Variants in SMG1 observed in about 807,000 individuals in gnomAD.
The protein encoded by SMG1 is SMG1 nonsense mediated mRNA decay associated PI3K related kinase.
A neutral mutation model predicts 419.9 loss-of-function variants in SMG1; 22 were observed. The observed-to-expected ratio is 0.05, with a 90% CI of 0.04 to 0.07. The LOEUF (loss-of-function observed/expected upper bound fraction) is 0.07. Among genes scored for constraint, SMG1 ranks in the 10% least tolerant of loss-of-function variants. The pLI, the probability that SMG1 is intolerant of heterozygous loss-of-function variation, is 1.00. For missense variants in SMG1, 3,185 were observed against 4,342.0 expected (o/e 0.73, Z 7.49); for synonymous variants, 1,538 against 1,553.5 (o/e 0.99, Z 0.23).
chr16:18,892,918 C>T (rs2141824749), intron 3 of SMG1, among the ~76,000 whole-genome samples: 1 of 152,330 alleles, frequency 6.6e-6, no homozygotes, highest in South Asian at 2.1e-4. Flanking sequence ...CAACCGAACA[C>T]CTCAATCCAG....
chr16:18,895,155 G>A (rs1168236006), intron 3 of SMG1, among the ~76,000 whole-genome samples: 2 of 152,166 alleles, frequency 1.3e-5, no homozygotes, highest in African/African-American at 2.4e-5. Flanking sequence ...TATACAGTGA[G>A]GCTACATCAT....
intron 9 of SMG1, among the ~76,000 whole-genome samples, chr16:18,883,167 G>T (rs186140231): frequency 6.6e-6 from 1 of 152,212 alleles, no homozygotes; most frequent in African/African-American, 2.4e-5. Context: ...ATCTTTATGG[G>T]AGCCTTGATT....
intron 30 of SMG1, among the ~76,000 whole-genome samples, chr16:18,854,082 C>CGTT (rs2034761432): frequency 1.2e-5 from 1 of 84,012 alleles, no homozygotes; most frequent in African/African-American, 5.1e-5. Flanking sequence ...AAATACTAAA[C>CGTT]TTTTTTTTTT....
At chr16:18,853,185 G>T (rs1314225196) in intron 31 of SMG1, among the ~76,000 whole-genome samples, 3 of 152,136 alleles carry the variant, frequency 2.0e-5, no homozygotes, top group Admixed American at 6.5e-5. Context: ...TATTTGTAAG[G>T]TATCTTTGTG....
At chr16:18,839,114 G>A (rs575541187) in intron 42 of SMG1, among the ~76,000 whole-genome samples, 56 of 152,106 alleles carry the variant, frequency 3.7e-4, no homozygotes, top group Non-Finnish European at 7.4e-4. Flanking sequence ...CAAAAGTGCT[G>A]GGATTACAGA....
intron 58 of SMG1, 93 bp from the exon 59 acceptor site, chr16:18,815,744 C>A: frequency 9.5e-7 from 1 of 1,057,066 alleles, no homozygotes; most frequent in Non-Finnish European, 1.4e-6. Flanking sequence ...ACAAATGTTT[C>A]AAATATGAGT....
At chr16:18,873,475 G>C (rs2035937047) in intron 13 of SMG1, among the ~76,000 whole-genome samples, 1 of 152,148 alleles carries the variant, frequency 6.6e-6, no homozygotes, top group East Asian at 1.9e-4. Flanking sequence ...GCCCCCCTCG[G>C]TCTCCCGAGG....
At chr16:18,896,636 T>C (rs571780033) in intron 2 of SMG1, among the ~76,000 whole-genome samples, 157 bp downstream of exon 2, 1 of 152,306 alleles carries the variant, frequency 6.6e-6, no homozygotes, top group African/African-American at 2.4e-5. Context: ...ATAAAGTGGA[T>C]AAATGTCCTA....
chr16:18,855,402 C>T (rs1342229169), intron 29 of SMG1, among the ~76,000 whole-genome samples: 2 of 152,206 alleles, frequency 1.3e-5, no homozygotes, highest in Non-Finnish European at 1.5e-5. Flanking sequence ...ACATCATCAT[C>T]TTTTCCTGTG....
At chr16:18,838,771 A>AC (rs1190884912) in intron 42 of SMG1, 82 bp from the exon 43 acceptor site, 2 of 887,570 alleles carry the variant, frequency 2.3e-6, no homozygotes, top group Non-Finnish European at 3.5e-6. Flanking sequence ...TATAAAATTT[A>AC]CAAAGCACCA....
intron 16 of SMG1, 94 bp from the exon 17 acceptor site, chr16:18,870,982 A>G: frequency 1.4e-6 from 1 of 712,166 alleles, no homozygotes; most frequent in Admixed American, 2.4e-5. Flanking sequence ...TTCATTCAAC[A>G]AAGAGTGAGT....
intron 1 of SMG1, among the ~76,000 whole-genome samples, chr16:18,910,605 TCC>T (rs1363874857): frequency 1.3e-5 from 2 of 151,890 alleles, no homozygotes; most frequent in African/African-American, 4.8e-5. Flanking sequence ...GCTCAAGTGA[TCC>T]ACCCACCTCC....
chr16:18,848,925 G>C (rs182807046), intron 36 of SMG1, among the ~76,000 whole-genome samples: 1 of 151,846 alleles, frequency 6.6e-6, no homozygotes, highest in Admixed American at 6.6e-5. Flanking sequence ...ACAAAAATTA[G>C]CTGGGCGTGG....
chr16:18,870,060 G>A (rs1156386862), intron 18 of SMG1, 66 bp from the exon 19 acceptor site: 1 of 1,048,878 alleles, frequency 9.5e-7, no homozygotes, highest in Non-Finnish European at 1.4e-6. Flanking sequence ...CATACTGTAA[G>A]TGGATTATTT....
At chr16:18,848,602 G>A (rs1430781062) in intron 36 of SMG1, among the ~76,000 whole-genome samples, 1 of 151,784 alleles carries the variant, frequency 6.6e-6, no homozygotes, top group Non-Finnish European at 1.5e-5. Flanking sequence ...CACTGCTCCT[G>A]GCCAAAAATT....
chr16:18,815,691 G>T (rs1374851179), intron 58 of SMG1, 40 bp from the exon 59 acceptor site: 1 of 1,555,044 alleles, frequency 6.4e-7, no homozygotes, highest in Non-Finnish European at 8.8e-7. Context: ...AATAGTTTTA[G>T]TATCAGTAAT....
At chr16:18,869,706 T>A (rs1382811740) in intron 19 of SMG1, 148 bp downstream of exon 19, 3 of 692,066 alleles carry the variant, frequency 4.3e-6, no homozygotes, top group Non-Finnish European at 7.2e-6. Context: ...AATTTTCCTA[T>A]TGATGAAAAC....
At chr16:18,924,713 TAA>T (rs1226283350) in intron 1 of SMG1, among the ~76,000 whole-genome samples, 8 of 152,206 alleles carry the variant, frequency 5.3e-5, no homozygotes, top group African/African-American at 9.7e-5. Context: ...CACTAATTAT[TAA>T]AGTCATCTAG....
At chr16:18,923,549 T>A (rs1184917363) in intron 1 of SMG1, among the ~76,000 whole-genome samples, 13 of 151,558 alleles carry the variant, frequency 8.6e-5, no homozygotes, top group Non-Finnish European at 1.5e-4. Context: ...GGAGAATTTT[T>A]CCTTGTAACC....
Sources: gnomAD v4.1 joint callset for allele counts (sites outside exome capture counted in the v4.1 genomes callset) on GRCh38, gnomAD v4.1.1 for gene constraint, MANE v1.5 for transcripts, NCBI Gene and HGNC (gene_info 2026-07-23, HGNC 2026-07-21) for gene names.